PAK1: variants seen among roughly 807,000 people sequenced by gnomAD.
PAK1 encodes serine/threonine-protein kinase PAK 1.
Under a neutral mutation model 67.4 loss-of-function variants are expected in PAK1, and 29 were observed. The ratio of observed to expected loss-of-function variants is 0.43; its 90% CI spans 0.32 to 0.59. PAK1 has a LOEUF of 0.59. PAK1 is among the 20% of genes least tolerant of loss of function. The pLI, the probability that PAK1 is intolerant of heterozygous loss-of-function variation, is 0.07. For synonymous variants in PAK1, 223 were observed against 237.4 expected (o/e 0.94, Z 0.56); for missense variants, 337 against 670.7 (o/e 0.50, Z 5.50).
At chr11:77,382,719 C>A (rs1460164804) in intron 2 of PAK1, among the ~76,000 whole-genome samples, 7 of 152,116 alleles carry the variant, frequency 4.6e-5, no homozygotes, top group African/African-American at 1.7e-4. Flanking sequence ...AGGGAATGGC[C>A]GGGCACGGTG....
the PAK1 span, among the ~76,000 whole-genome samples, chr11:77,523,092 C>T: frequency 6.8e-4 from 104 of 152,234 alleles, 1 homozygote; most frequent in East Asian, 3.9e-4. Flanking sequence ...GGGAAAGGGG[C>T]AAGGGTGGAA....
At chr11:77,412,658 T>C (rs973565312) in intron 1 of PAK1, among the ~76,000 whole-genome samples, 2 of 152,138 alleles carry the variant, frequency 1.3e-5, no homozygotes, top group Non-Finnish European at 2.9e-5. Context: ...AATCCTGTTC[T>C]CAAGCAATCC....
chr11:77,419,586 A>C (rs995001029), intron 1 of PAK1, among the ~76,000 whole-genome samples: 1 of 152,262 alleles, frequency 6.6e-6, no homozygotes, highest in Non-Finnish European at 1.5e-5. Context: ...CTAATAGCTT[A>C]TAACTGATGA....
intron 1 of PAK1, among the ~76,000 whole-genome samples, chr11:77,407,299 G>C (rs561680679): frequency 6.6e-6 from 1 of 152,216 alleles, no homozygotes; most frequent in South Asian, 2.1e-4. Flanking sequence ...CACATACTTC[G>C]TGGTTTTTGT....
intron 4 of PAK1, among the ~76,000 whole-genome samples, chr11:77,376,401 T>A (rs1949092998): frequency 6.6e-6 from 1 of 152,136 alleles, no homozygotes; most frequent in African/African-American, 2.4e-5. Flanking sequence ...GAGTTGTCAA[T>A]CTAGTCTACT....
At chr11:77,366,408 G>C (rs1245409708) in intron 5 of PAK1, among the ~76,000 whole-genome samples, 1 of 152,064 alleles carries the variant, frequency 6.6e-6, no homozygotes, top group Non-Finnish European at 1.5e-5. Flanking sequence ...TATACAGTAC[G>C]TACACGTGCA....
At chr11:77,491,036 T>C in the PAK1 span, among the ~76,000 whole-genome samples, 1 of 151,902 alleles carries the variant, frequency 6.6e-6, no homozygotes, top group Non-Finnish European at 1.5e-5. Context: ...GAGACCTTTG[T>C]TCACTTGTTT....
chr11:77,385,944 A>T (rs1412182350), intron 2 of PAK1, among the ~76,000 whole-genome samples: 1 of 152,230 alleles, frequency 6.6e-6, no homozygotes, highest in South Asian at 2.1e-4. Context: ...TTAATATAAA[A>T]AACTGTTAGG....
chr11:77,458,287 C>T (rs1478333961), intron 1 of PAK1, among the ~76,000 whole-genome samples: 7 of 152,060 alleles, frequency 4.6e-5, no homozygotes, highest in South Asian at 2.1e-4. Flanking sequence ...AAAGAACATC[C>T]GTCACTTCAC....
chr11:77,493,842 A>C, the PAK1 span, among the ~76,000 whole-genome samples: 1 of 152,216 alleles, frequency 6.6e-6, no homozygotes, highest in African/African-American at 2.4e-5. Flanking sequence ...GTAGAAAACA[A>C]GTTCACAGAA....
intron 1 of PAK1, among the ~76,000 whole-genome samples, chr11:77,450,363 G>C (rs563417026): frequency 1.3e-5 from 2 of 152,096 alleles, no homozygotes; most frequent in South Asian, 4.1e-4. Context: ...TTAAAAACCC[G>C]AAAGAACCTG....
intron 1 of PAK1, among the ~76,000 whole-genome samples, chr11:77,399,082 G>A (rs1433638583): frequency 6.6e-6 from 1 of 152,204 alleles, no homozygotes; most frequent in Non-Finnish European, 1.5e-5. Flanking sequence ...TCATTCAAGT[G>A]CAGTTCAAGT....
chr11:77,417,050 G>C (rs1955002599), intron 1 of PAK1, among the ~76,000 whole-genome samples: 1 of 152,112 alleles, frequency 6.6e-6, no homozygotes, highest in Non-Finnish European at 1.5e-5. Flanking sequence ...TGAGTAATGT[G>C]TTGCATTAAT....
intron 1 of PAK1, among the ~76,000 whole-genome samples, chr11:77,403,832 G>A (rs1374089932): frequency 2.6e-5 from 4 of 152,158 alleles, no homozygotes; most frequent in African/African-American, 4.8e-5. Flanking sequence ...TCAAGTATTG[G>A]AAACTTAATC....
intron 1 of PAK1, among the ~76,000 whole-genome samples, chr11:77,411,351 G>A (rs1326141898): frequency 6.6e-6 from 1 of 151,846 alleles, no homozygotes; most frequent in African/African-American, 2.4e-5. Context: ...GTCTGAATAG[G>A]ACCAGTCCCC....
At chr11:77,479,810 G>T in the PAK1 span, among the ~76,000 whole-genome samples, 2 of 151,722 alleles carry the variant, frequency 1.3e-5, no homozygotes, top group East Asian at 3.9e-4. Flanking sequence ...GTTTCACCAT[G>T]TTGGCCAGGC....
At chr11:77,387,434 A>G (rs2729747) in intron 2 of PAK1, among the ~76,000 whole-genome samples, 53,865 of 152,062 alleles carry the variant, frequency 0.35, 9,726 homozygotes, top group South Asian at 0.51. Context: ...AGAACAACTA[A>G]GAGAGATAGT....
chr11:77,398,474 T>C (rs1952145175), intron 1 of PAK1, among the ~76,000 whole-genome samples: 1 of 152,170 alleles, frequency 6.6e-6, no homozygotes, highest in Non-Finnish European at 1.5e-5. Flanking sequence ...TAGTACTCCA[T>C]TGTACATGTT....
chr11:77,325,387 G>C, intron 14 of PAK1: 1 of 1,613,002 alleles, frequency 6.2e-7, no homozygotes. Flanking sequence ...CTGTAAAAAT[G>C]AGAATAGAAC....
Sources: allele counts gnomAD v4.1 joint callset (sites outside exome capture counted in the v4.1 genomes callset), GRCh38; gene constraint gnomAD v4.1.1; transcripts MANE v1.5; gene names NCBI Gene and HGNC (gene_info 2026-07-23, HGNC 2026-07-21).